Variants in PTPRK observed in about 807,000 individuals in gnomAD.
PTPRK encodes protein tyrosine phosphatase receptor type K, also known as receptor-type tyrosine-protein phosphatase kappa.
In PTPRK, 75 loss-of-function variants were observed where a neutral mutation model predicts 178.0. That is an observed-to-expected ratio of 0.42 (90% CI 0.35 to 0.51). The LOEUF (loss-of-function observed/expected upper bound fraction) is 0.51, where lower values mean the gene tolerates loss of function less well. PTPRK is among the 20% of genes least tolerant of loss of function. The pLI is 0.02. For missense variants in PTPRK, 1,441 were observed against 1,797.8 expected (o/e 0.80, Z 3.59); for synonymous variants, 637 against 620.6 (o/e 1.03, Z -0.39).
chr6:128,210,089 T>G (rs1807821733), intron 6 of PTPRK, among the ~76,000 whole-genome samples: 1 of 152,128 alleles, frequency 6.6e-6, no homozygotes, highest in Admixed American at 6.6e-5. Flanking sequence ...AAGTAGGTTT[T>G]TTATAGAAGT....
intron 2 of PTPRK, among the ~76,000 whole-genome samples, chr6:128,328,094 TC>T (rs1197761040): frequency 3.9e-5 from 6 of 152,186 alleles, no homozygotes; most frequent in African/African-American, 1.4e-4. Flanking sequence ...CACAGCTCCG[TC>T]CACTGTGCAG....
chr6:128,367,899 T>G (rs1275456823), intron 2 of PTPRK, among the ~76,000 whole-genome samples: 1 of 152,170 alleles, frequency 6.6e-6, no homozygotes, highest in Admixed American at 6.6e-5. Context: ...GGAAAAAATA[T>G]TCTCACTTTA....
chr6:128,064,181 T>C lies in PTPRK; in HGVS notation c.2194+577A>G, dbSNP rs184144480. 1.9e-4 allele frequency among the ~76,000 whole-genome samples: 29 copies of C among 152,298 alleles called. 1 individual carries two copies. The East Asian group carries it at 4.8e-3, about 25-fold the overall frequency. On this transcript the variant is annotated intron_variant, in intron 13 of 29. Transcript: ENST00000368226. ...CATTCAAAGATGCAAATGTTTTCTC[T>C]TGTCAAAGAAACTAGGCAGCTAAGC...
chr6:128,169,669 ATAACT>A (rs1799933125), intron 7 of PTPRK, among the ~76,000 whole-genome samples: 1 of 152,038 alleles, frequency 6.6e-6, no homozygotes, highest in Non-Finnish European at 1.5e-5. Flanking sequence ...CGTTACACAA[ATAACT>A]TTAATGGCTA....
chr6:128,240,801 C>A (rs1231914012), intron 4 of PTPRK, among the ~76,000 whole-genome samples: 3 of 152,150 alleles, frequency 2.0e-5, no homozygotes, highest in Non-Finnish European at 2.9e-5. Flanking sequence ...AAAATAATGA[C>A]TGCAGTCAAA....
chr6:128,103,818 T>A (rs549314581), intron 7 of PTPRK, among the ~76,000 whole-genome samples: 1 of 152,194 alleles, frequency 6.6e-6, no homozygotes. Context: ...GCTTCCTCTT[T>A]GACCTGTCTT....
chr6:128,462,571 T>C (rs2128412898), intron 1 of PTPRK, among the ~76,000 whole-genome samples: 1 of 151,984 alleles, frequency 6.6e-6, no homozygotes, highest in East Asian at 1.9e-4. Flanking sequence ...ATGAGGAACA[T>C]GAAGTGAAAA....
intron 3 of PTPRK, among the ~76,000 whole-genome samples, chr6:128,311,254 G>A (rs141089706): frequency 1.6e-3 from 249 of 152,242 alleles, no homozygotes; most frequent in African/African-American, 5.7e-3. Flanking sequence ...AGTTCAGACC[G>A]ATGGGGCTTG....
intron 13 of PTPRK, among the ~76,000 whole-genome samples, chr6:128,036,505 A>G (rs1233258460): frequency 6.6e-6 from 1 of 152,224 alleles, no homozygotes; most frequent in Non-Finnish European, 1.5e-5. Flanking sequence ...AGGAACATGG[A>G]CAAGTACTAC....
Position 128,481,408 on chromosome 6 carries a change from G to A in PTPRK, c.100+38851C>T, listed in dbSNP as rs115056129. On this transcript the variant is annotated intron_variant, in intron 1 of 29. Coordinates refer to ENST00000368226, the MANE Select transcript of PTPRK (RefSeq NM_002844.4). ...TTACATTGATGGATGTTTACAACTT[G>A]CAAAACTCCCCAATAGACTAACCAA... is the stretch of plus-strand genomic sequence containing the variant. 9.3e-3 allele frequency among the ~76,000 whole-genome samples: 1,411 copies of A among 152,172 alleles called. 26 individuals are homozygous for A. The highest frequency in any genetic ancestry group is 0.032 in the African/African-American group (1,330 of 41,516).
chr6:128,373,739 CCATCTTT>C (rs1836628613), intron 2 of PTPRK, among the ~76,000 whole-genome samples: 1 of 152,122 alleles, frequency 6.6e-6, no homozygotes, highest in Non-Finnish European at 1.5e-5. Context: ...GCAGGCTTCT[CCATCTTT>C]CATTCACCAT....
chr6:128,151,888 G>A (rs530518499), intron 7 of PTPRK, among the ~76,000 whole-genome samples: 3 of 151,978 alleles, frequency 2.0e-5, no homozygotes, highest in African/African-American at 7.2e-5. Context: ...AGTATAATCA[G>A]GGAAACTGGG....
intron 1 of PTPRK, among the ~76,000 whole-genome samples, chr6:128,484,286 C>T (rs945437828): frequency 4.6e-5 from 7 of 152,118 alleles, no homozygotes; most frequent in South Asian, 2.1e-4. Context: ...TTCAGTACCA[C>T]CAACCCTTCT....
At chr6:128,376,837 G>A (rs1001712089) in intron 2 of PTPRK, among the ~76,000 whole-genome samples, 5 of 152,104 alleles carry the variant, frequency 3.3e-5, no homozygotes, top group African/African-American at 1.2e-4. Flanking sequence ...TCTAGGGCAG[G>A]GGCATAATGC....
At chr6:128,460,884 T>C (rs1273123217) in intron 1 of PTPRK, among the ~76,000 whole-genome samples, 1 of 152,204 alleles carries the variant, frequency 6.6e-6, no homozygotes, top group Non-Finnish European at 1.5e-5. Context: ...TATATTTATT[T>C]TGAAGGTTAA....
intron 18 of PTPRK, among the ~76,000 whole-genome samples, chr6:127,994,292 T>C (rs1222638355): frequency 6.6e-6 from 1 of 151,782 alleles, no homozygotes; most frequent in Non-Finnish European, 1.5e-5. Flanking sequence ...TATAGAAGTA[T>C]ACATATGCTA....
At chr6:128,192,933 G>C (rs1159312514) in intron 6 of PTPRK, among the ~76,000 whole-genome samples, 1 of 148,844 alleles carries the variant, frequency 6.7e-6, no homozygotes, top group African/African-American at 2.5e-5. Flanking sequence ...AGGGAGAGGG[G>C]GAAGGAGGGA....
intron 7 of PTPRK, among the ~76,000 whole-genome samples, chr6:128,130,753 G>C (rs562258689): frequency 6.6e-6 from 1 of 152,196 alleles, no homozygotes; most frequent in South Asian, 2.1e-4. Flanking sequence ...AATGGTTTTG[G>C]CATAGAAACG....
chr6:128,404,001 A>G (rs570894762), intron 1 of PTPRK, among the ~76,000 whole-genome samples: 1 of 152,352 alleles, frequency 6.6e-6, no homozygotes, highest in East Asian at 1.9e-4. Context: ...ATAAAATTCT[A>G]TTCACAAAAC....
Sources: allele counts gnomAD v4.1 joint callset (sites outside exome capture counted in the v4.1 genomes callset), GRCh38; gene constraint gnomAD v4.1.1; transcripts MANE v1.5; gene names NCBI Gene and HGNC (gene_info 2026-07-23, HGNC 2026-07-21).